The following TMEM150B variants were observed in gnomAD, a reference collection of about 807,000 sequenced individuals.
TMEM150B encodes modulator of macroautophagy TMEM150B.
A neutral mutation model predicts 25.2 loss-of-function variants in TMEM150B; 33 were observed. The observed-to-expected ratio is 1.31, with a 90% CI of 0.99 to 1.75. The LOEUF (loss-of-function observed/expected upper bound fraction) is 1.75. Ranked by LOEUF, TMEM150B falls within the 40% of genes most tolerant of loss-of-function variation. The pLI, the probability that TMEM150B is intolerant of heterozygous loss-of-function variation, is 0.00. For synonymous variants in TMEM150B, 133 were observed against 134.8 expected (o/e 0.99, Z 0.09); for missense variants, 322 against 306.1 (o/e 1.05, Z -0.39).
chr19:55,320,138 G>A lies in TMEM150B; in HGVS notation c.225C>T (p.His75=). The change falls in exon 6 of 8, where the codon CAC becomes CAT. Residue 75 remains histidine (H), a synonymous_variant. Coordinates refer to ENST00000326652, the MANE Select transcript of TMEM150B (RefSeq NM_001282011.2). ...LAAWICIVRY[H]QLRDWGVRRW... The stretch of plus-strand genomic sequence containing the variant: ...TTCTGACGCCCCAGTCCCGGAGCTG[G>A]TGGTAACGGACAATGCAGATCCACG... 1 of 1,614,174 alleles carries A rather than the reference G, an allele frequency of 6.2e-7. No homozygotes were observed. Among genetic ancestry groups the A allele is most frequent in the South Asian group, 1.1e-5 (1 of 91,082 alleles).
At chr19:55,315,587 C>G (rs989363054) in intron 7 of TMEM150B, among the ~76,000 whole-genome samples, 1 of 152,068 alleles carries the variant, frequency 6.6e-6, no homozygotes, top group Non-Finnish European at 1.5e-5. Context: ...TGGTGAAACC[C>G]TGTCCCTACT....
Position 55,313,064 on chromosome 19 carries a change from G to A in TMEM150B, c.506-9C>T. 6.2e-7 allele frequency: 1 copy of A among 1,605,228 alleles called. No homozygotes were observed. The highest frequency in any genetic ancestry group is 8.5e-7 in the Non-Finnish European group (1 of 1,176,410). Reference sequence around the variant, plus strand: ...GGCGTGGAGGACGATCACTGCCCCAGGGTCAAGGGCCACACTGCTACCGTG... The same window carrying A: ...GGCGTGGAGGACGATCACTGCCCCAAGGTCAAGGGCCACACTGCTACCGTG... On this transcript the variant is annotated splice_polypyrimidine_tract_variant and intron_variant, in intron 7 of 7. Coordinates refer to ENST00000326652, the MANE Select transcript of TMEM150B (RefSeq NM_001282011.2).
At chr19:55,323,584 C>A (rs969446098) in intron 1 of TMEM150B, among the ~76,000 whole-genome samples, 1 of 150,906 alleles carries the variant, frequency 6.6e-6, no homozygotes, top group Non-Finnish European at 1.5e-5. Flanking sequence ...CTCACTGCAA[C>A]CTCTGCTTCC....
chr19:55,312,042 G>A, downstream of TMEM150B: 3 of 1,483,964 alleles, frequency 2.0e-6, no homozygotes, highest in Non-Finnish European at 2.7e-6. Context: ...GAAGCTCCTG[G>A]CCACCAACGG....
At chr19:55,319,816 G>A in intron 6 of TMEM150B, 1 of 1,378,158 alleles carries the variant, frequency 7.3e-7, no homozygotes, top group Non-Finnish European at 9.4e-7. Flanking sequence ...CGTCCTGGAA[G>A]TCAACGAAGT....
At chr19:55,323,139 G>A (rs1167449158) in intron 1 of TMEM150B, among the ~76,000 whole-genome samples, 4 of 152,194 alleles carry the variant, frequency 2.6e-5, no homozygotes, top group Admixed American at 2.6e-4. Flanking sequence ...CCATTTTAAA[G>A]TGTACGACTC....
chr19:55,316,997 G>A (rs768805158), intron 6 of TMEM150B, 31 bp from the exon 7 acceptor site: 15 of 1,580,822 alleles, frequency 9.5e-6, no homozygotes, highest in Non-Finnish European at 1.3e-5. Flanking sequence ...TTGGGAGGGA[G>A]ACTCTGGGAA....
At chr19:55,320,736 C>G (rs45561838) in intron 3 of TMEM150B, 119 bp from the exon 4 acceptor site, 15 of 1,282,168 alleles carry the variant, frequency 1.2e-5, no homozygotes, top group Middle Eastern at 2.4e-4. Context: ...GGCCCCCAGC[C>G]CCTCCTCCCT....
intron 6 of TMEM150B, among the ~76,000 whole-genome samples, chr19:55,317,883 G>A (rs2089059893): frequency 6.6e-6 from 1 of 152,060 alleles, no homozygotes; most frequent in South Asian, 2.1e-4. Flanking sequence ...AGCCCAGGAA[G>A]CAGAGGTTGT....
chr19:55,322,819 C>A, intron 1 of TMEM150B, 76 bp from the exon 2 acceptor site: 2 of 664,382 alleles, frequency 3.0e-6, no homozygotes, highest in South Asian at 1.3e-4. Flanking sequence ...GGCTCTCTGT[C>A]CCCAAACCAC....
At chr19:55,319,734 G>A in intron 6 of TMEM150B, 2 of 1,162,314 alleles carry the variant, frequency 1.7e-6, no homozygotes, top group Non-Finnish European at 2.1e-6. Context: ...ACAGGCATGA[G>A]CCACTGCGCC....
At chr19:55,317,076 C>A in intron 6 of TMEM150B, 110 bp from the exon 7 acceptor site, 1 of 960,990 alleles carries the variant, frequency 1.0e-6, no homozygotes. Flanking sequence ...ACCAACTTTC[C>A]ATACCCAGTG....
At chr19:55,313,970 T>G (rs35573389) in intron 7 of TMEM150B, among the ~76,000 whole-genome samples, 16,215 of 152,106 alleles carry the variant, frequency 0.11, 919 homozygotes, top group Middle Eastern at 0.18. Context: ...GAGGCCAAGG[T>G]GGGAGGATTG....
chr19:55,312,383 C>T (rs1031015446), downstream of TMEM150B: 1 of 198,622 alleles, frequency 5.0e-6, no homozygotes, highest in African/African-American at 2.3e-5. Flanking sequence ...GGACAGGGCC[C>T]TCTGTCCCTG....
At chr19:55,310,626 C>T (rs2088765400), downstream of TMEM150B, among the ~76,000 whole-genome samples, 1 of 152,176 alleles carries the variant, frequency 6.6e-6, no homozygotes, top group African/African-American at 2.4e-5. The surrounding 1 kb of genome is among the most constrained non-coding windows in gnomAD (Gnocchi z 5.0). Context: ...ATGCCAATGG[C>T]CTCTTGTAGG....
intron 1 of TMEM150B, among the ~76,000 whole-genome samples, chr19:55,324,540 C>T (rs2089286011): frequency 1.3e-5 from 2 of 151,918 alleles, no homozygotes; most frequent in African/African-American, 4.8e-5. Flanking sequence ...CCCAGCTACT[C>T]GGGAGGCTGA....
chr19:55,324,800 T>A, intron 1 of TMEM150B: 1 of 985,460 alleles, frequency 1.0e-6, no homozygotes, highest in East Asian at 1.1e-4. Flanking sequence ...TCGCTTCTTT[T>A]TCCGGAGGTC....
chr19:55,321,004 G>C lies in TMEM150B; in HGVS notation c.33C>G (p.Phe11Leu). The change falls in exon 3 of 8, where the codon TTC (phenylalanine) becomes TTG (leucine). Residue 11 changes from phenylalanine to leucine, a missense_variant. By Grantham distance (22) the Phe-to-Leu change is conservative (BLOSUM62 0). Coordinates refer to ENST00000326652, the MANE Select transcript of TMEM150B (RefSeq NM_001282011.2). MWGYLSLMPV[F>L]LAVWAISGVW... ...CGCCAGAGATAGCCCAGACAGCTAG[G>C]AAGACAGGCATCAGCGACAGGTAGC... is the stretch of plus-strand genomic sequence containing the variant. The C allele has an allele frequency of 6.8e-6, 11 of 1,613,966 alleles. No homozygotes were observed. The highest frequency in any genetic ancestry group is 9.3e-6 in the Non-Finnish European group (11 of 1,179,908).
chr19:55,310,633 T>C (rs945039692), downstream of TMEM150B, among the ~76,000 whole-genome samples: 1 of 152,104 alleles, frequency 6.6e-6, no homozygotes, highest in African/African-American at 2.4e-5. The surrounding 1 kb of genome is among the most constrained non-coding windows in gnomAD (Gnocchi z 5.0). Context: ...TGGCCTCTTG[T>C]AGGTGGAGGC....
Sources: allele counts gnomAD v4.1 joint callset (sites outside exome capture counted in the v4.1 genomes callset), GRCh38; gene constraint gnomAD v4.1.1; non-coding constraint Gnocchi (gnomAD v3.1); transcripts MANE v1.5; gene names NCBI Gene and HGNC (gene_info 2026-07-23, HGNC 2026-07-21).